MOXD1: variants seen among roughly 807,000 people sequenced by gnomAD.
MOXD1 encodes the protein DBH-like monooxygenase protein 1.
MOXD1 carries 62 observed loss-of-function variants against 66.6 expected under a neutral mutation model. The observed-to-expected ratio is 0.93, with a 90% CI of 0.76 to 1.15. The LOEUF (loss-of-function observed/expected upper bound fraction) is 1.15, where lower values mean the gene tolerates loss of function less well. MOXD1 is among the 50% of genes most tolerant of loss of function. The probability of loss-of-function intolerance (pLI) is 0.00; values close to 1 mark genes in which losing one functional copy is unlikely to be tolerated. For synonymous variants in MOXD1, 303 were observed against 281.9 expected (o/e 1.07, Z -0.75); for missense variants, 847 against 754.6 (o/e 1.12, Z -1.44).
chr6:132,304,889 A>G (rs1214506121), intron 10 of MOXD1, among the ~76,000 whole-genome samples: 3 of 152,252 alleles, frequency 2.0e-5, no homozygotes, highest in African/African-American at 4.8e-5. Context: ...GTTCTTACAC[A>G]TCACTGGTAA....
At chr6:132,370,232 T>C (rs1217568011) in intron 4 of MOXD1, among the ~76,000 whole-genome samples, 1 of 152,014 alleles carries the variant, frequency 6.6e-6, no homozygotes, top group East Asian at 1.9e-4. Context: ...AATATACACT[T>C]TTCTTAAATT....
At chr6:132,351,986 TG>T (rs1217598687) in intron 4 of MOXD1, among the ~76,000 whole-genome samples, 1 of 152,184 alleles carries the variant, frequency 6.6e-6, no homozygotes, top group Non-Finnish European at 1.5e-5. Context: ...TCTCCCATTT[TG>T]TTTCTTAATG....
rs375048235 is a variant in MOXD1, at chr6:132,374,669, C to T, written c.373G>A (p.Glu125Lys). ...STHTIIEFTR[E>K]LHTCDINDKS... ...TCATTTATGTCACATGTATGCAGCT[C>T]TCTGGTAAATTCAATTATTGTGTGT... The change falls in exon 2 of 12, where the codon GAG (glutamate) becomes AAG (lysine). Residue 125 changes from glutamate to lysine, a missense_variant. Transcript: ENST00000367963. 1.4e-5 allele frequency: 23 copies of T among 1,613,846 alleles called. No individual in the cohort carries two copies. The African/African-American group carries it at 2.8e-4, about 20-fold the overall frequency.
At chr6:132,299,964 T>C (rs982739961) in intron 10 of MOXD1, among the ~76,000 whole-genome samples, 1 of 151,948 alleles carries the variant, frequency 6.6e-6, no homozygotes, top group South Asian at 2.1e-4. Flanking sequence ...TTTAAGTAAA[T>C]TAAAAGTTCC....
At chr6:132,331,460 A>G (rs1001139832) in intron 4 of MOXD1, among the ~76,000 whole-genome samples, 1 of 152,114 alleles carries the variant, frequency 6.6e-6, no homozygotes, top group Non-Finnish European at 1.5e-5. Context: ...GGGAGCTTCA[A>G]ATAAACAGCT....
At chr6:132,376,276 G>T (rs891282970) in intron 1 of MOXD1, among the ~76,000 whole-genome samples, 4 of 152,124 alleles carry the variant, frequency 2.6e-5, no homozygotes, top group African/African-American at 9.7e-5. Context: ...CTGAGAAAAT[G>T]TAATATATAA....
At position 132,363,141 on chromosome 6, in the gene MOXD1, G is replaced by C. The variant is rs146443039; in HGVS notation, c.663+9467C>G. ...ATTAATTCCGTAGGACTCAAAAGTA[G>C]TCCAGCAGAATATAGTATTTTGCAC... On this transcript the variant is annotated intron_variant, in intron 4 of 11. Transcript: ENST00000367963. Among the ~76,000 whole-genome samples, 621 of 151,588 alleles carry C rather than the reference G, an allele frequency of 4.1e-3. 14 individuals are homozygous for C. Among genetic ancestry groups the C allele is most frequent in the Non-Finnish European group, 2.9e-3 (199 of 67,922 alleles).
At chr6:132,330,415 T>C (rs1323062143) in intron 4 of MOXD1, among the ~76,000 whole-genome samples, 4 of 152,202 alleles carry the variant, frequency 2.6e-5, no homozygotes, top group African/African-American at 9.7e-5. Context: ...TTCTAACTAA[T>C]GCCTGATGAT....
At chr6:132,374,342 G>A (rs979728060) in intron 2 of MOXD1, among the ~76,000 whole-genome samples, 3 of 151,864 alleles carry the variant, frequency 2.0e-5, no homozygotes, top group Non-Finnish European at 2.9e-5. Context: ...AAACTTTATG[G>A]AGAAGAAAGT....
At chr6:132,320,743 C>G in intron 8 of MOXD1, 55 bp from the exon 9 acceptor site, 1 of 1,431,800 alleles carries the variant, frequency 7.0e-7, no homozygotes, top group Non-Finnish European at 9.7e-7. Flanking sequence ...GCTTATTTAT[C>G]AAATACATTT....
In MOXD1 at chr6:132,312,775, A is replaced by G. The variant is rs188321844; in HGVS notation, c.1508+2860T>C. 2.9e-3 allele frequency among the ~76,000 whole-genome samples: 434 copies of G among 152,014 alleles called. 3 individuals carry two copies. Among genetic ancestry groups the G allele is most frequent in the Non-Finnish European group, 3.2e-3 (216 of 67,948 alleles). ...AGCTCATTGGGAAACAGGAGAGCCG[A>G]ACATTTTTAGAGGCTTCATACCATT... On this transcript the variant is annotated intron_variant, in intron 10 of 11. Coordinates refer to ENST00000367963, the MANE Select transcript of MOXD1 (RefSeq NM_015529.4).
At chr6:132,386,163 G>C (rs1169177685) in intron 1 of MOXD1, among the ~76,000 whole-genome samples, 1 of 143,414 alleles carries the variant, frequency 7.0e-6, no homozygotes, top group African/African-American at 2.6e-5. Context: ...AGCGCTTTGG[G>C]AGGCCGAGGC....
intron 4 of MOXD1, among the ~76,000 whole-genome samples, chr6:132,337,083 G>T (rs767953345): frequency 4.5e-4 from 68 of 152,260 alleles, no homozygotes; most frequent in Non-Finnish European, 8.4e-4. Context: ...GACAGGTTTG[G>T]CAGAGTTCGA....
rs1241738474 is a variant in MOXD1, at chr6:132,372,710, G to T, written c.580-19C>A. The T allele has an allele frequency of 1.2e-6, 2 of 1,610,924 alleles. No individual in the cohort carries two copies. Among genetic ancestry groups the T allele is most frequent in the South Asian group, 2.2e-5 (2 of 90,956 alleles). On this transcript the variant is annotated intron_variant, in intron 3 of 11. Coordinates refer to ENST00000367963, the MANE Select transcript of MOXD1 (RefSeq NM_015529.4). ...TGGGGACCTGTCTTAATAAAAAGGG[G>T]AGGAAGACACAAAGTCACCTTCTCT... is the stretch of plus-strand genomic sequence containing the variant.
intron 1 of MOXD1, among the ~76,000 whole-genome samples, chr6:132,386,025 C>T (rs1776625941): frequency 6.7e-6 from 1 of 148,414 alleles, no homozygotes; most frequent in Non-Finnish European, 1.5e-5. Context: ...ATGGCGTGAA[C>T]CCAGGAGGCG....
chr6:132,350,508 T>C (rs1451078028), intron 4 of MOXD1, among the ~76,000 whole-genome samples: 1 of 152,224 alleles, frequency 6.6e-6, no homozygotes, highest in African/African-American at 2.4e-5. Flanking sequence ...ACCAGTACCA[T>C]GCTGTTTTGG....
At chr6:132,347,952 T>C (rs1385238906) in intron 4 of MOXD1, among the ~76,000 whole-genome samples, 1 of 152,140 alleles carries the variant, frequency 6.6e-6, no homozygotes, top group Non-Finnish European at 1.5e-5. Flanking sequence ...TTCTCATTTA[T>C]AGAACAGTTC....
At chr6:132,308,043 C>T (rs80254587) in intron 10 of MOXD1, among the ~76,000 whole-genome samples, 1 of 143,662 alleles carries the variant, frequency 7.0e-6, no homozygotes, top group African/African-American at 2.6e-5. Context: ...GAGATAGAAA[C>T]AGGAAAAACT....
At chr6:132,298,615 T>C (rs193039436) in intron 10 of MOXD1, among the ~76,000 whole-genome samples, 42 of 152,192 alleles carry the variant, frequency 2.8e-4, no homozygotes, top group African/African-American at 9.6e-4. Flanking sequence ...TCAAAAATTT[T>C]ACTCATTTCT....
Sources: allele counts gnomAD v4.1 joint callset (sites outside exome capture counted in the v4.1 genomes callset), GRCh38; gene constraint gnomAD v4.1.1; transcripts MANE v1.5; gene names NCBI Gene and HGNC (gene_info 2026-07-23, HGNC 2026-07-21).